The following TNIK variants were observed in gnomAD, a reference collection of about 807,000 sequenced individuals.
The protein encoded by TNIK is TRAF2 and NCK-interacting protein kinase.
TNIK carries 49 observed loss-of-function variants against 191.3 expected under a neutral mutation model. The ratio of observed to expected loss-of-function variants is 0.26; its 90% CI spans 0.20 to 0.32. TNIK has a LOEUF of 0.32. TNIK is among the 10% of genes least tolerant of loss of function. The pLI is 1.00. For missense variants in TNIK, 1,155 were observed against 1,702.3 expected (o/e 0.68, Z 5.66); for synonymous variants, 594 against 600.9 (o/e 0.99, Z 0.17).
intron 1 of TNIK, among the ~76,000 whole-genome samples, chr3:171,381,910 T>A (rs902628379): frequency 6.6e-6 from 1 of 152,224 alleles, no homozygotes; most frequent in African/African-American, 2.4e-5. Context: ...TATGCTAAGA[T>A]TGTTATAGCG....
At chr3:171,372,400 C>A (rs1485514556) in intron 1 of TNIK, among the ~76,000 whole-genome samples, 2 of 152,236 alleles carry the variant, frequency 1.3e-5, no homozygotes, top group Non-Finnish European at 2.9e-5. Context: ...AAACCTGAGA[C>A]TCCCTGAGAT....
intron 18 of TNIK, among the ~76,000 whole-genome samples, chr3:171,122,550 A>G (rs372587162): frequency 4.6e-5 from 7 of 152,218 alleles, no homozygotes; most frequent in African/African-American, 1.7e-4. Flanking sequence ...TGTTCTTAGT[A>G]TAGTTTCATG....
chr3:171,393,119 C>T (rs971714231), intron 1 of TNIK, among the ~76,000 whole-genome samples: 3 of 152,228 alleles, frequency 2.0e-5, no homozygotes, highest in African/African-American at 7.2e-5. Context: ...AGTGCACTTT[C>T]TCAGGTTGCA....
Position 171,097,625 on chromosome 3 carries a change from C to G in TNIK, c.2592-3657G>C, listed in dbSNP as rs139883969. Among the ~76,000 whole-genome samples, 12 of 152,316 alleles carry G rather than the reference C, an allele frequency of 7.9e-5. No homozygotes were observed. In the East Asian group the frequency reaches 1.7e-3, roughly 22 times the overall value. ...AGTTCCCCTGCACATGCTCTCTTGC[C>G]TGCTGCCATGTAAGACATGCCTTTG... is the stretch of plus-strand genomic sequence containing the variant. On this transcript the variant is annotated intron_variant, in intron 22 of 32. Transcript: ENST00000436636.
chr3:171,369,121 CT>C (rs1385041725), intron 2 of TNIK, among the ~76,000 whole-genome samples: 1 of 152,150 alleles, frequency 6.6e-6, no homozygotes, highest in Admixed American at 6.5e-5. Context: ...TCAAGTTTAA[CT>C]TTTAATTATT....
At chr3:171,138,660 G>T (rs937393599) in intron 14 of TNIK, among the ~76,000 whole-genome samples, 1 of 151,972 alleles carries the variant, frequency 6.6e-6, no homozygotes, top group Non-Finnish European at 1.5e-5. Context: ...TGTCCCTGAT[G>T]AATTACAAGT....
chr3:171,448,294 C>A (rs1422754339), intron 1 of TNIK, among the ~76,000 whole-genome samples: 1 of 152,154 alleles, frequency 6.6e-6, no homozygotes, highest in East Asian at 1.9e-4. Flanking sequence ...TCACTCCCTG[C>A]CAGCAAGCAT....
At chr3:171,255,569 C>T (rs908932935) in intron 2 of TNIK, among the ~76,000 whole-genome samples, 4 of 152,188 alleles carry the variant, frequency 2.6e-5, no homozygotes, top group African/African-American at 9.7e-5. Flanking sequence ...AAGTACTTAT[C>T]CACTATACCA....
At chr3:171,139,669 A>C in intron 13 of TNIK, 113 bp from the exon 14 acceptor site, 1 of 880,248 alleles carries the variant, frequency 1.1e-6, no homozygotes, top group Non-Finnish European at 1.9e-6. Context: ...AAGGAGGGGA[A>C]AAATACCCAA....
chr3:171,085,310 T>TA, intron 24 of TNIK, 81 bp from the exon 25 acceptor site: 1 of 1,305,472 alleles, frequency 7.7e-7, no homozygotes, highest in Non-Finnish European at 1.0e-6. Flanking sequence ...GCTTGGGCTG[T>TA]AAAACGATCA....
At chr3:171,438,477 C>T (rs773207881) in intron 1 of TNIK, among the ~76,000 whole-genome samples, 2 of 152,222 alleles carry the variant, frequency 1.3e-5, no homozygotes, top group African/African-American at 2.4e-5. Flanking sequence ...CCAGAAGACA[C>T]GTCCTGGTGA....
intron 2 of TNIK, among the ~76,000 whole-genome samples, chr3:171,326,111 T>C (rs756668673): frequency 9.9e-5 from 15 of 152,076 alleles, no homozygotes; most frequent in Non-Finnish European, 1.9e-4. Context: ...AGATTATATA[T>C]TTCAAGCCCC....
chr3:171,197,830 A>G (rs564158540), intron 4 of TNIK, among the ~76,000 whole-genome samples: 3 of 152,348 alleles, frequency 2.0e-5, no homozygotes, highest in South Asian at 2.1e-4. Flanking sequence ...GTAAAATGGT[A>G]TAGTTACTGC....
chr3:171,387,392 T>C lies in TNIK; in HGVS notation c.58-17707A>G, dbSNP rs540887050. 2.8e-4 allele frequency among the ~76,000 whole-genome samples: 42 copies of C among 152,288 alleles called. No individual in the cohort carries two copies. In the South Asian group the frequency reaches 8.1e-3, roughly 29 times the overall value. On this transcript the variant is annotated intron_variant, in intron 1 of 32. Transcript: ENST00000436636. ...CTAGTAGATAGAGTGTCTCCTACAT[T>C]GAGATACCAGTGTTTGCCAGTGTGT...
chr3:171,296,560 A>G (rs1412881927), intron 2 of TNIK, among the ~76,000 whole-genome samples: 2 of 152,204 alleles, frequency 1.3e-5, no homozygotes, highest in East Asian at 1.9e-4. Context: ...CAAGGTTTCA[A>G]TCCTGATTCA....
At chr3:171,278,894 A>T (rs1750102990) in intron 2 of TNIK, among the ~76,000 whole-genome samples, 1 of 152,168 alleles carries the variant, frequency 6.6e-6, no homozygotes, top group Non-Finnish European at 1.5e-5. Context: ...TCAGAATTTC[A>T]GGGTGGAGGG....
chr3:171,387,708 C>T (rs1369587274), intron 1 of TNIK, among the ~76,000 whole-genome samples: 1 of 152,182 alleles, frequency 6.6e-6, no homozygotes, highest in Non-Finnish European at 1.5e-5. Context: ...AGTAATCTTT[C>T]TCTCTTGAAC....
intron 10 of TNIK, among the ~76,000 whole-genome samples, chr3:171,164,771 G>A (rs1466214549): frequency 6.6e-6 from 1 of 152,224 alleles, no homozygotes; most frequent in African/African-American, 2.4e-5. Flanking sequence ...GACCACCATG[G>A]ACAAGGAGCA....
chr3:171,437,121 C>T (rs140927516), intron 1 of TNIK, among the ~76,000 whole-genome samples: 2 of 152,296 alleles, frequency 1.3e-5, no homozygotes, highest in African/African-American at 2.4e-5. Context: ...CAATTTAATA[C>T]ATTTGATTTC....
Sources: allele counts gnomAD v4.1 joint callset (sites outside exome capture counted in the v4.1 genomes callset), GRCh38; gene constraint gnomAD v4.1.1; transcripts MANE v1.5; gene names NCBI Gene and HGNC (gene_info 2026-07-23, HGNC 2026-07-21).